CCT3: variants seen among roughly 807,000 people sequenced by gnomAD.
The protein encoded by CCT3 is T-complex protein 1 subunit gamma.
A neutral mutation model predicts 65.3 loss-of-function variants in CCT3; 10 were observed. That is an observed-to-expected ratio of 0.15 (90% CI 0.09 to 0.26). The LOEUF (loss-of-function observed/expected upper bound fraction) is 0.26. CCT3 is among the 10% of genes least tolerant of loss of function. The probability of loss-of-function intolerance (pLI) is 1.00; values close to 1 mark genes in which losing one functional copy is unlikely to be tolerated. For synonymous variants in CCT3, 225 were observed against 242.3 expected (o/e 0.93, Z 0.66); for missense variants, 626 against 708.7 (o/e 0.88, Z 1.33).
intron 5 of CCT3, among the ~76,000 whole-genome samples, chr1:156,327,720 AAG>A (rs1190194842): frequency 2.2e-4 from 33 of 151,384 alleles, no homozygotes; most frequent in Non-Finnish European, 3.8e-4. Context: ...CCCGTCTGGG[AAG>A]TGAGGAGCGT....
At chr1:156,330,550 G>C (rs1665061145) in intron 5 of CCT3, among the ~76,000 whole-genome samples, 1 of 151,972 alleles carries the variant, frequency 6.6e-6, no homozygotes, top group African/African-American at 2.4e-5. Flanking sequence ...TATAATCCCA[G>C]CTACTCAGGA....
At chr1:156,331,148 C>T (rs140835018) in intron 5 of CCT3, among the ~76,000 whole-genome samples, 11 of 151,496 alleles carry the variant, frequency 7.3e-5, no homozygotes, top group African/African-American at 2.7e-4. Flanking sequence ...AGGAGAATCG[C>T]TTGAACCCGG....
At chr1:156,317,081 C>T in intron 10 of CCT3, 85 bp downstream of exon 10, 2 of 1,204,850 alleles carry the variant, frequency 1.7e-6, no homozygotes, top group Non-Finnish European at 2.5e-6. Context: ...CTTTATTAAA[C>T]CTTTTCAGGT....
In CCT3 at chr1:156,309,206, T is replaced by C; in HGVS notation, c.1631A>G (p.Gln544Arg). 3.7e-6 allele frequency: 6 copies of C among 1,609,986 alleles called. No homozygotes were observed. Among genetic ancestry groups the C allele is most frequent in the South Asian group, 1.1e-5 (1 of 91,018 alleles). ...SRQGGAPDAG[Q>R]E ...AGTAGCCTTGCCTAGCACTCACTCC[T>C]GGCCAGCATCAGGAGCCCCGCCTTG... The change falls in exon 14 of 14, where the codon CAG becomes CGG. Residue 544 changes from glutamine (Q) to arginine (R), a missense_variant. Transcript: ENST00000295688.
chr1:156,319,151 C>T (rs1210499708), intron 7 of CCT3, 134 bp from the exon 8 acceptor site: 13 of 714,500 alleles, frequency 1.8e-5, no homozygotes, highest in South Asian at 4.1e-5. Context: ...CTCGCTCTGT[C>T]GCTCAGGCTG....
intron 4 of CCT3, among the ~76,000 whole-genome samples, chr1:156,334,448 G>A (rs950566816): frequency 5.3e-5 from 8 of 152,182 alleles, no homozygotes; most frequent in Admixed American, 5.2e-4. Flanking sequence ...CCAAGTTCAT[G>A]CCAAAGAAAG....
chr1:156,329,303 CTTTTT>C (rs765770849), intron 5 of CCT3, among the ~76,000 whole-genome samples: 3 of 119,540 alleles, frequency 2.5e-5, no homozygotes, highest in African/African-American at 3.1e-5. Flanking sequence ...GTATCCCCAT[CTTTTT>C]TTTTTTTTTT....
At chr1:156,309,895 G>A (rs1281338440) in intron 13 of CCT3, among the ~76,000 whole-genome samples, 3 of 151,536 alleles carry the variant, frequency 2.0e-5, no homozygotes, top group East Asian at 2.0e-4. Flanking sequence ...AAAATTAGCC[G>A]GGTGTGGTGG....
chr1:156,318,160 C>T (rs1664389985), intron 8 of CCT3, among the ~76,000 whole-genome samples: 1 of 152,098 alleles, frequency 6.6e-6, no homozygotes. Flanking sequence ...CTTAATTCTT[C>T]CCACTAATTG....
intron 5 of CCT3, among the ~76,000 whole-genome samples, chr1:156,326,636 T>G (rs1229022844): frequency 2.6e-5 from 3 of 114,398 alleles, no homozygotes; most frequent in East Asian, 2.4e-4. Context: ...AGCCACAGAG[T>G]GAGACTCCAT....
intron 10 of CCT3, among the ~76,000 whole-genome samples, chr1:156,315,028 G>A (rs1476033084): frequency 2.0e-5 from 3 of 152,112 alleles, no homozygotes; most frequent in Non-Finnish European, 2.9e-5. Context: ...TTTCCATTGA[G>A]TTACACTGAG....
intron 10 of CCT3, among the ~76,000 whole-genome samples, chr1:156,316,953 C>G (rs778379627): frequency 6.6e-6 from 1 of 152,162 alleles, no homozygotes; most frequent in Non-Finnish European, 1.5e-5. Context: ...GCACAAGCTG[C>G]TCACTAATGG....
chr1:156,329,358 T>C (rs544294300), intron 5 of CCT3, among the ~76,000 whole-genome samples: 27 of 142,220 alleles, frequency 1.9e-4, no homozygotes, highest in African/African-American at 5.8e-4. Flanking sequence ...CAGGCTGGAG[T>C]GCAGTGGTGT....
intron 6 of CCT3, among the ~76,000 whole-genome samples, chr1:156,323,729 T>C (rs2101651985): frequency 6.6e-6 from 1 of 152,072 alleles, no homozygotes; most frequent in South Asian, 2.1e-4. Flanking sequence ...CCTCCCAAAG[T>C]GCTGGGATTA....
rs781125952 is a variant in CCT3, at chr1:156,317,393, G to A, written c.892+22C>T. The A allele has an allele frequency of 9.4e-6, 15 of 1,603,384 alleles. No individual in the cohort carries two copies. The South Asian group carries it at 1.7e-4, about 18-fold the overall frequency. ...CCCTCGTCTACCTCAAAGGTAGGCT[G>A]GAAAAAGTAACAAAGTCCCACCTGA... On this transcript the variant is annotated intron_variant, in intron 9 of 13. Coordinates refer to ENST00000295688, the MANE Select transcript of CCT3 (RefSeq NM_005998.5).
intron 5 of CCT3, among the ~76,000 whole-genome samples, chr1:156,330,339 A>G (rs929577808): frequency 8.5e-5 from 13 of 152,200 alleles, no homozygotes; most frequent in African/African-American, 3.1e-4. Flanking sequence ...TCTCAAGGAC[A>G]TTTTTATTCA....
At chr1:156,333,736 C>T (rs2764402) in intron 4 of CCT3, 93 bp from the exon 5 acceptor site, 204,606 of 859,174 alleles carry the variant, frequency 0.24, 26,605 homozygotes, top group East Asian at 0.27. Flanking sequence ...TGCTTCTATA[C>T]GTACTTACTT....
intron 10 of CCT3, among the ~76,000 whole-genome samples, chr1:156,312,546 C>G (rs1238038437): frequency 6.6e-6 from 1 of 152,042 alleles, no homozygotes; most frequent in Non-Finnish European, 1.5e-5. Flanking sequence ...GTAGCTCCAG[C>G]TACTCAGGAG....
At chr1:156,323,954 G>C (rs1259081061) in intron 6 of CCT3, among the ~76,000 whole-genome samples, 1 of 151,520 alleles carries the variant, frequency 6.6e-6, no homozygotes, top group Non-Finnish European at 1.5e-5. Flanking sequence ...GTAGAAATGA[G>C]GTTTCACCAT....
Sources: gnomAD v4.1 joint callset for allele counts (sites outside exome capture counted in the v4.1 genomes callset) on GRCh38, gnomAD v4.1.1 for gene constraint, MANE v1.5 for transcripts, NCBI Gene and HGNC (gene_info 2026-07-23, HGNC 2026-07-21) for gene names.